The following SNX9 variants were observed in gnomAD, a reference collection of about 807,000 sequenced individuals.
SNX9 encodes the protein sorting nexin 9.
Under a neutral mutation model 89.4 loss-of-function variants are expected in SNX9, and 44 were observed. The observed-to-expected ratio is 0.49, with a 90% CI of 0.39 to 0.63. SNX9 has a LOEUF of 0.63. Among genes scored for constraint, SNX9 ranks in the 30% least tolerant of loss-of-function variants. The probability of loss-of-function intolerance (pLI) is 0.00; values close to 1 mark genes in which losing one functional copy is unlikely to be tolerated. For missense variants in SNX9, 578 were observed against 736.1 expected, an observed-to-expected ratio of 0.79 and a Z score of 2.49; for synonymous variants, 236 against 247.8, an observed-to-expected ratio of 0.95 and a Z score of 0.45.
chr6:157,840,404 A>ATTCTT (rs59894271), intron 1 of SNX9, among the ~76,000 whole-genome samples: 8,070 of 125,924 alleles, frequency 0.064, 773 homozygotes, highest in African/African-American at 0.21. Flanking sequence ...TTTACAAAAA[A>ATTCTT]TACTTTCTTT....
intron 15 of SNX9, among the ~76,000 whole-genome samples, chr6:157,937,960 A>G (rs1379450560): frequency 6.6e-6 from 1 of 152,278 alleles, no homozygotes; most frequent in Non-Finnish European, 1.5e-5. Flanking sequence ...AACTTAATAT[A>G]AAACTCAGAA....
At chr6:157,867,678 A>G in intron 2 of SNX9, 45 bp downstream of exon 2, 2 of 1,390,578 alleles carry the variant, frequency 1.4e-6, no homozygotes, top group East Asian at 2.7e-5. Context: ...ATGTGGACTT[A>G]TTTTTAACAA....
intron 9 of SNX9, among the ~76,000 whole-genome samples, chr6:157,917,005 G>T (rs1256445249): frequency 6.6e-6 from 1 of 152,182 alleles, no homozygotes; most frequent in Non-Finnish European, 1.5e-5. Flanking sequence ...GTGTTTGATA[G>T]AACTCACCAC....
rs571459456 is a variant in SNX9 at position 157,842,411 on chromosome 6, A to G, written c.12+18965A>G. Among the ~76,000 whole-genome samples the G allele has an allele frequency of 2.6e-5, 4 of 152,290 alleles. No homozygotes were observed. The East Asian group carries it at 5.8e-4, about 22-fold the overall frequency. On this transcript the variant is annotated intron_variant, in intron 1 of 17. Coordinates refer to ENST00000392185, the MANE Select transcript of SNX9 (RefSeq NM_016224.5). ...AAAATCCTCATGATGCAACTGCCCAATGGGTTCACCATCACCACTGCCTAG... is the reference window on the plus strand; with the variant it reads ...AAAATCCTCATGATGCAACTGCCCAGTGGGTTCACCATCACCACTGCCTAG...
At chr6:157,871,636 C>A (rs1020699520) in intron 2 of SNX9, among the ~76,000 whole-genome samples, 10 of 151,964 alleles carry the variant, frequency 6.6e-5, no homozygotes, top group African/African-American at 2.4e-4. Context: ...ATGTAACAAA[C>A]CTGCACGTTG....
intron 3 of SNX9, among the ~76,000 whole-genome samples, chr6:157,873,520 T>G (rs1163029941): frequency 6.9e-6 from 1 of 145,172 alleles, no homozygotes; most frequent in African/African-American, 2.6e-5. Context: ...ATAAGATATA[T>G]GAAATTATAT....
chr6:157,855,893 C>T (rs974015297), intron 1 of SNX9, among the ~76,000 whole-genome samples: 8 of 152,186 alleles, frequency 5.3e-5, no homozygotes, highest in Non-Finnish European at 1.0e-4. Context: ...GCCACCACCA[C>T]GCCAAGCTAA....
In SNX9 at chr6:157,905,421, C is replaced by A. The variant is rs140463888; in HGVS notation, c.621-707C>A. On this transcript the variant is annotated intron_variant, in intron 6 of 17. Transcript: ENST00000392185. ...AATTAATCTTGTCTTTTTCAGTAGC[C>A]CTTTGGATGGCTATGTTCTAGCTGT... Among the ~76,000 whole-genome samples, 405 of 152,096 alleles carry A rather than the reference C, an allele frequency of 2.7e-3. 2 individuals are homozygous for A. The highest frequency in any genetic ancestry group is 9.3e-3 in the African/African-American group (385 of 41,484).
Position 157,921,569 on chromosome 6 carries a change from A to C in SNX9, c.988A>C (p.Arg330=). 6.2e-7 allele frequency: 1 copy of C among 1,614,040 alleles called. No individual in the cohort carries two copies. The highest frequency in any genetic ancestry group is 1.3e-5 in the African/African-American group (1 of 75,018). ...EEEFIKMRME[R]LQAWMTRMCR... ...GGAATTTATCAAAATGCGCATGGAGAGACTTCAGGCCTGGATGACCAGGAT... is the reference window on the plus strand; with the variant it reads ...GGAATTTATCAAAATGCGCATGGAGCGACTTCAGGCCTGGATGACCAGGAT... Residue 330 remains arginine, a synonymous_variant, in exon 10 of 18, where the codon AGA becomes CGA. Transcript: ENST00000392185.
At chr6:157,859,199 G>A (rs1300692182) in intron 1 of SNX9, among the ~76,000 whole-genome samples, 2 of 152,132 alleles carry the variant, frequency 1.3e-5, no homozygotes, top group African/African-American at 4.8e-5. Flanking sequence ...GAAATATAAT[G>A]AGAAACGTCA....
chr6:157,835,239 C>G (rs1243340374), intron 1 of SNX9, among the ~76,000 whole-genome samples: 2 of 152,068 alleles, frequency 1.3e-5, no homozygotes, highest in Non-Finnish European at 2.9e-5. Flanking sequence ...TTTCAAACTC[C>G]TGACACCAAG....
chr6:157,874,906 T>C lies in SNX9; in HGVS notation c.175-145T>C, dbSNP rs572558131. 6 of 755,642 alleles carry C rather than the reference T, an allele frequency of 7.9e-6. No homozygotes were observed. In the East Asian group the frequency reaches 1.5e-4, roughly 19 times the overall value. 46.8% of individuals were successfully genotyped at this position (755,642 alleles called of 1,614,324 possible). On this transcript the variant is annotated intron_variant, in intron 3 of 17. Transcript: ENST00000392185. ...AATGAAAATACAACCCATTAAAATATGAGTATGCGGCAAAAGCAGTGCTTA... is the reference window on the plus strand; with the variant it reads ...AATGAAAATACAACCCATTAAAATACGAGTATGCGGCAAAAGCAGTGCTTA...
intron 13 of SNX9, among the ~76,000 whole-genome samples, chr6:157,935,523 G>A (rs909972453): frequency 4.6e-5 from 7 of 152,098 alleles, no homozygotes; most frequent in African/African-American, 1.7e-4. Context: ...AAAGAAAGGT[G>A]CAGGGAAAAA....
At chr6:157,841,006 C>T (rs1781692651) in intron 1 of SNX9, among the ~76,000 whole-genome samples, 1 of 152,190 alleles carries the variant, frequency 6.6e-6, no homozygotes. Context: ...CACTGCATTT[C>T]TCTTCCGATG....
At chr6:157,932,379 T>C in intron 13 of SNX9, 107 bp downstream of exon 13, 4 of 987,002 alleles carry the variant, frequency 4.1e-6, no homozygotes, top group Non-Finnish European at 6.3e-6. Flanking sequence ...AGCACCCTGG[T>C]TGTGGGTGTG....
At chr6:157,878,686 C>T (rs1199107728) in intron 4 of SNX9, among the ~76,000 whole-genome samples, 1 of 152,156 alleles carries the variant, frequency 6.6e-6, no homozygotes, top group Non-Finnish European at 1.5e-5. Context: ...CCACTTCAGC[C>T]TCCCAATTGC....
At chr6:157,941,044 G>A (rs1009871962) in intron 17 of SNX9, 70 bp downstream of exon 17, 50 of 1,324,626 alleles carry the variant, frequency 3.8e-5, no homozygotes, top group Non-Finnish European at 5.1e-5. Flanking sequence ...CTTTGACCAT[G>A]TAAAGTTAAT....
chr6:157,834,521 A>T (rs200101218), intron 1 of SNX9, among the ~76,000 whole-genome samples: 10 of 149,658 alleles, frequency 6.7e-5, no homozygotes, highest in East Asian at 3.9e-4. Flanking sequence ...AATTTTTTAA[A>T]TTTTTTTTTC....
At chr6:157,935,368 T>C (rs1010644858) in intron 13 of SNX9, among the ~76,000 whole-genome samples, 6 of 152,202 alleles carry the variant, frequency 3.9e-5, no homozygotes, top group Admixed American at 1.3e-4. Context: ...ACTGGTGGTG[T>C]GTGACTCTGA....
Sources: allele counts gnomAD v4.1 joint callset (sites outside exome capture counted in the v4.1 genomes callset), GRCh38; gene constraint gnomAD v4.1.1; transcripts MANE v1.5; gene names NCBI Gene and HGNC (gene_info 2026-07-23, HGNC 2026-07-21).